Variants in REL observed in about 807,000 individuals in gnomAD.
REL encodes the protein proto-oncogene c-Rel.
Under a neutral mutation model 45.9 loss-of-function variants are expected in REL, and 15 were observed. That is an observed-to-expected ratio of 0.33 (90% CI 0.22 to 0.50). The LOEUF is 0.50. REL is among the 20% of genes least tolerant of loss of function. The pLI is 0.98. For synonymous variants in REL, 239 were observed against 242.1 expected, an observed-to-expected ratio of 0.99 and a Z score of 0.12; for missense variants, 601 against 715.2, an observed-to-expected ratio of 0.84 and a Z score of 1.82.
chr2:60,919,107 C>T lies in REL; in HGVS notation c.853+501C>T, dbSNP rs890865199. On this transcript the variant is annotated intron_variant, in intron 7 of 9. Transcript: ENST00000394479. Reference sequence around the variant, plus strand: ...AAATTTCTATTTTATTTTTGAAGGTCTGTTTTAGTCTTTGTGCACTTACCA... The same window carrying T: ...AAATTTCTATTTTATTTTTGAAGGTTTGTTTTAGTCTTTGTGCACTTACCA... 2.0e-5 allele frequency among the ~76,000 whole-genome samples: 3 copies of T among 152,146 alleles called. No homozygotes were observed. In the South Asian group the frequency reaches 6.2e-4, roughly 31 times the overall value.
rs1674228712 is a variant in REL, at chr2:60,924,714, A to G, written c.*2179A>G. 1 of 211,018 alleles carries G rather than the reference A, an allele frequency of 4.7e-6. No individual in the cohort carries two copies. Among genetic ancestry groups the G allele is most frequent in the African/African-American group, 2.3e-5 (1 of 44,172 alleles). The allele number at this position is 211,018 out of a possible 1,614,324, so 13.1% of individuals were successfully genotyped here. A position where few individuals can be genotyped will look rare whatever the true frequency, so the allele number is the denominator to read the frequency against. ...CTCATTGCAACTTCCAGATTGAGTA[A>G]CACTTATAACACATTTCCTTTTCAA... On this transcript the variant is annotated 3_prime_UTR_variant, in exon 10 of 10. Coordinates refer to ENST00000394479, the MANE Select transcript of REL (RefSeq NM_001291746.2).
intron 1 of REL, among the ~76,000 whole-genome samples, chr2:60,890,487 C>T (rs1048845513): frequency 6.6e-6 from 1 of 152,128 alleles, no homozygotes; most frequent in Non-Finnish European, 1.5e-5. Context: ...GGATTGCTTG[C>T]GTTCTAACAG....
chr2:60,922,732 T>C lies in REL; in HGVS notation c.*197T>C, dbSNP rs745623996. The C allele has an allele frequency of 5.9e-6, 7 of 1,187,380 alleles. No individual in the cohort carries two copies. Among genetic ancestry groups the C allele is most frequent in the Non-Finnish European group, 7.3e-6 (7 of 958,132 alleles). The allele number at this position is 1,187,380 out of a possible 1,614,324, so 73.6% of individuals were successfully genotyped here. On this transcript the variant is annotated 3_prime_UTR_variant, in exon 10 of 10. Coordinates refer to ENST00000394479, the MANE Select transcript of REL (RefSeq NM_001291746.2). ...AACTTTGGACATAGCGAATACAAAA[T>C]TGGAAGCTGTCATAAAAAGACAACT...
chr2:60,910,998 T>C (rs1301224353), intron 4 of REL, among the ~76,000 whole-genome samples: 1 of 152,196 alleles, frequency 6.6e-6, no homozygotes, highest in Non-Finnish European at 1.5e-5. Flanking sequence ...TTTTGTATTA[T>C]AGAATGATAT....
intron 3 of REL, among the ~76,000 whole-genome samples, chr2:60,895,703 A>G (rs375823525): frequency 3.3e-5 from 5 of 152,314 alleles, no homozygotes; most frequent in African/African-American, 1.2e-4. Flanking sequence ...CAATTTAACT[A>G]CATGGCAAAA....
chr2:60,912,112 G>A (rs1197588057), intron 4 of REL, among the ~76,000 whole-genome samples: 1 of 151,336 alleles, frequency 6.6e-6, no homozygotes, highest in Non-Finnish European at 1.5e-5. Flanking sequence ...AAAGAACAAT[G>A]AGGAGAAATT....
chr2:60,926,626 A>C lies in REL; in HGVS notation c.*4091A>C, dbSNP rs953785901. 4.3e-6 allele frequency: 1 copy of C among 230,622 alleles called. No homozygotes were observed. The highest frequency in any genetic ancestry group is 8.6e-6 in the Non-Finnish European group (1 of 116,416). The allele number at this position is 230,622 out of a possible 1,614,324, so 14.3% of individuals were successfully genotyped here. ...TGATCTTATCAGAGCCCACAGGTTC[A>C]GTTTTCTTTCATGCTACCTGAATGT... On this transcript the variant is annotated 3_prime_UTR_variant, in exon 10 of 10. Coordinates refer to ENST00000394479, the MANE Select transcript of REL (RefSeq NM_001291746.2).
chr2:60,882,953 G>A (rs1228623117), intron 1 of REL, among the ~76,000 whole-genome samples: 1 of 152,128 alleles, frequency 6.6e-6, no homozygotes, highest in Admixed American at 6.6e-5. Flanking sequence ...TATATACACA[G>A]ATGTGGTTGG....
At chr2:60,908,942 A>C (rs966066061) in intron 4 of REL, among the ~76,000 whole-genome samples, 2 of 152,204 alleles carry the variant, frequency 1.3e-5, no homozygotes, top group Admixed American at 1.3e-4. Flanking sequence ...TAATACAAGA[A>C]AAAGCCTTTC....
At position 60,891,767 on chromosome 2, in the gene REL, C is replaced by T. The variant is rs756541045; in HGVS notation, c.95C>T (p.Ala32Val). 1.2e-6 allele frequency: 2 copies of T among 1,613,956 alleles called. No individual in the cohort carries two copies. The highest frequency in any genetic ancestry group is 1.7e-6 in the Non-Finnish European group (2 of 1,179,970). ...AGATACAAATGTGAAGGGCGATCAG[C>T]AGGCAGCATTCCAGGGGAGCACAGC... ...RFRYKCEGRS[A>V]GSIPGEHSTD... The change falls in exon 2 of 10, where the codon GCA becomes GTA. Residue 32 changes from alanine to valine, a missense_variant. Physicochemically the swap from Ala to Val is moderately conservative, Grantham distance 64. Coordinates refer to ENST00000394479, the MANE Select transcript of REL (RefSeq NM_001291746.2).
chr2:60,897,943 T>C (rs995910310), intron 3 of REL, among the ~76,000 whole-genome samples: 1 of 151,654 alleles, frequency 6.6e-6, no homozygotes, highest in Non-Finnish European at 1.5e-5. Flanking sequence ...TTTCCCCTCA[T>C]AACTGGTCTT....
At chr2:60,917,193 T>C (rs1260784352) in intron 5 of REL, among the ~76,000 whole-genome samples, 176 bp downstream of exon 5, 1 of 152,190 alleles carries the variant, frequency 6.6e-6, no homozygotes, top group Non-Finnish European at 1.5e-5. Context: ...CCAGAGATAA[T>C]CACTATCCTT....
At chr2:60,909,629 G>A (rs534966838) in intron 4 of REL, among the ~76,000 whole-genome samples, 60 of 152,240 alleles carry the variant, frequency 3.9e-4, no homozygotes, top group African/African-American at 1.4e-3. Flanking sequence ...CAGGCTGGGC[G>A]CAGTGGCTCA....
intron 4 of REL, among the ~76,000 whole-genome samples, chr2:60,906,285 A>G (rs1673646813): frequency 6.6e-6 from 1 of 152,122 alleles, no homozygotes; most frequent in South Asian, 2.1e-4. Context: ...TCGCCCCACT[A>G]CATGCAGTGT....
At chr2:60,895,462 G>A (rs533100466) in intron 3 of REL, among the ~76,000 whole-genome samples, 3 of 152,272 alleles carry the variant, frequency 2.0e-5, no homozygotes, top group East Asian at 3.9e-4. Flanking sequence ...GATTACAGGC[G>A]TGAGCTGCTG....
chr2:60,883,316 A>C (rs559225557), intron 1 of REL, among the ~76,000 whole-genome samples: 14 of 152,256 alleles, frequency 9.2e-5, no homozygotes, highest in Admixed American at 3.9e-4. Flanking sequence ...TGCTGTAGGC[A>C]GAAAAGGAAA....
intron 7 of REL, among the ~76,000 whole-genome samples, chr2:60,919,458 C>G (rs1674071619): frequency 6.6e-6 from 1 of 152,028 alleles, no homozygotes; most frequent in Non-Finnish European, 1.5e-5. Context: ...GAGTCTTGCT[C>G]TGTCTTGCCC....
rs1674118800 is a variant in REL at position 60,920,728 on chromosome 2, A to G, written c.991+86A>G. 2 of 806,214 alleles carry G rather than the reference A, an allele frequency of 2.5e-6. 1 individual carries two copies. The highest frequency in any genetic ancestry group is 7.7e-4 in the Middle Eastern group (2 of 2,598). 49.9% of individuals were successfully genotyped at this position (806,214 alleles called of 1,614,324 possible). On this transcript the variant is annotated intron_variant, in intron 9 of 9. Coordinates refer to ENST00000394479, the MANE Select transcript of REL (RefSeq NM_001291746.2). ...ATTGGAATTCTATTTTTAGGAATGA[A>G]TAACTGCTTCTTTGAAAATTTTCTC...
At chr2:60,884,896 C>T (rs1673033860) in intron 1 of REL, among the ~76,000 whole-genome samples, 1 of 152,062 alleles carries the variant, frequency 6.6e-6, no homozygotes, top group African/African-American at 2.4e-5. Flanking sequence ...AAGTGTGAGG[C>T]AACTTAATCT....
Sources: allele counts gnomAD v4.1 joint callset (sites outside exome capture counted in the v4.1 genomes callset), GRCh38; gene constraint gnomAD v4.1.1; transcripts MANE v1.5; gene names NCBI Gene and HGNC (gene_info 2026-07-23, HGNC 2026-07-21).